The following GLDC variants were observed in gnomAD, a reference collection of about 807,000 sequenced individuals.
GLDC encodes the protein glycine dehydrogenase (decarboxylating), mitochondrial.
A neutral mutation model predicts 121.3 loss-of-function variants in GLDC; 104 were observed. The observed-to-expected ratio is 0.86, with a 90% confidence interval of 0.73 to 1.01. GLDC has a LOEUF of 1.01. Ranked by LOEUF, GLDC falls within the 50% of genes least tolerant of loss-of-function variation. The pLI, the probability that GLDC is intolerant of heterozygous loss-of-function variation, is 0.00. For synonymous variants in GLDC, 546 were observed against 480.6 expected, an observed-to-expected ratio of 1.14 and a Z score of -1.78; for missense variants, 1,429 against 1,306.6, an observed-to-expected ratio of 1.09 and a Z score of -1.44.
At chr9:6,616,650 T>C (rs1484525035) in intron 3 of GLDC, among the ~76,000 whole-genome samples, 1 of 152,240 alleles carries the variant, frequency 6.6e-6, no homozygotes, top group Non-Finnish European at 1.5e-5. Context: ...ATGCCTGTCA[T>C]CTATAATGTC....
Position 6,604,791 on chromosome 9 carries a change from A to T in GLDC, c.862-7T>A. Reference sequence around the variant, plus strand: ...TAGCACAGCAGGCCAGGCTCTAGAAAGGAAGTGAGAGAAAAGGAACAAGGT... The same window carrying T: ...TAGCACAGCAGGCCAGGCTCTAGAATGGAAGTGAGAGAAAAGGAACAAGGT... On this transcript the variant is annotated splice_region_variant and splice_polypyrimidine_tract_variant and intron_variant, in intron 6 of 24. Coordinates refer to ENST00000321612, the MANE Select transcript of GLDC (RefSeq NM_000170.3). The T allele has an allele frequency of 6.2e-7, 1 of 1,611,772 alleles. No individual in the cohort carries two copies.
intron 18 of GLDC, 105 bp from the exon 19 acceptor site, chr9:6,554,886 GC>G: frequency 1.3e-6 from 1 of 799,430 alleles, no homozygotes. Flanking sequence ...CAGAGGAAAA[GC>G]AGGCAGAGCC....
At chr9:6,635,404 A>G (rs891979712) in intron 2 of GLDC, among the ~76,000 whole-genome samples, 1 of 152,362 alleles carries the variant, frequency 6.6e-6, no homozygotes, top group African/African-American at 2.4e-5. Context: ...CACTTTATGT[A>G]TGGGCAAATG....
intron 2 of GLDC, chr9:6,639,065 T>C (rs1819571628): frequency 1.5e-6 from 1 of 655,976 alleles, no homozygotes; most frequent in African/African-American, 1.8e-5. Flanking sequence ...CAGTAAACAT[T>C]TAACAATTAG....
intron 23 of GLDC, among the ~76,000 whole-genome samples, chr9:6,535,688 A>G (rs1254984273): frequency 6.6e-6 from 1 of 152,232 alleles, no homozygotes; most frequent in Admixed American, 6.5e-5. Context: ...TCCAGTCCAA[A>G]TGTCAATCCA....
At chr9:6,629,906 G>C (rs1270520733) in intron 2 of GLDC, among the ~76,000 whole-genome samples, 1 of 123,150 alleles carries the variant, frequency 8.1e-6, no homozygotes, top group Non-Finnish European at 1.6e-5. Flanking sequence ...GATAATAGAT[G>C]TGGGAGGGAG....
intron 2 of GLDC, among the ~76,000 whole-genome samples, chr9:6,627,519 G>A (rs1348737669): frequency 6.6e-6 from 1 of 152,074 alleles, no homozygotes; most frequent in African/African-American, 2.4e-5. Flanking sequence ...TGGTTCTCAT[G>A]ATAGCTTGGT....
chr9:6,586,279 G>C (rs1416019851), intron 15 of GLDC, among the ~76,000 whole-genome samples: 1 of 152,038 alleles, frequency 6.6e-6, no homozygotes, highest in Non-Finnish European at 1.5e-5. Context: ...TGGGCAACAA[G>C]AGCAAAACTC....
At chr9:6,593,141 G>A (rs1818411848) in intron 9 of GLDC, 151 bp from the exon 10 acceptor site, 2 of 726,248 alleles carry the variant, frequency 2.8e-6, no homozygotes, top group African/African-American at 3.5e-5. Flanking sequence ...AACTAAACAT[G>A]TTTATTATCA....
chr9:6,600,266 GCTGAGACCGGAGAATAATTTGAGCC>G (rs1818578467), intron 8 of GLDC, among the ~76,000 whole-genome samples: 2 of 152,148 alleles, frequency 1.3e-5, no homozygotes, highest in South Asian at 4.2e-4. Context: ...TACTTAGGAG[GCTGAGACCGGAGAATAATTTGAGCC>G]CTGGAGGTTG....
chr9:6,643,136 G>A (rs147701352), intron 2 of GLDC, among the ~76,000 whole-genome samples: 54 of 152,076 alleles, frequency 3.6e-4, no homozygotes, highest in African/African-American at 1.1e-3. Context: ...GGCCTCAAGC[G>A]ATCCACCTGC....
chr9:6,540,159 G>C lies in GLDC; in HGVS notation c.2570-13C>G. ...TGACCCACATAACCTGTTCAGGAAA[G>C]TTGTTTCAGCCCAAGATTAGCATCA... On this transcript the variant is annotated splice_polypyrimidine_tract_variant and intron_variant, in intron 21 of 24. Transcript: ENST00000321612. 1 of 1,544,544 alleles carries C rather than the reference G, an allele frequency of 6.5e-7. No homozygotes were observed. Among genetic ancestry groups the C allele is most frequent in the Non-Finnish European group, 9.0e-7 (1 of 1,116,460 alleles).
intron 2 of GLDC, among the ~76,000 whole-genome samples, chr9:6,634,540 C>T (rs1040037158): frequency 8.6e-6 from 1 of 116,090 alleles, no homozygotes; most frequent in Non-Finnish European, 1.7e-5. Context: ...AACAAACAAA[C>T]AAACAAACAA....
In GLDC at chr9:6,565,579, C is replaced by G. The variant is rs147643940; in HGVS notation, c.1851-150G>C. 5.5e-4 allele frequency: 397 copies of G among 723,786 alleles called. No individual in the cohort carries two copies. In the African/African-American group the frequency reaches 6.0e-3, roughly 11 times the overall value. The allele number at this position is 723,786 out of a possible 1,614,324, so 44.8% of individuals were successfully genotyped here. A position where few individuals can be genotyped will look rare whatever the true frequency, so the allele number is the denominator to read the frequency against. On this transcript the variant is annotated intron_variant, in intron 15 of 24. Transcript: ENST00000321612. ...GAGAGAAGCTCATCAAGGAGCTCTG[C>G]TGGAGTCAAAAGGTCTTGAACAATC...
At chr9:6,560,447 G>C (rs1817729944) in intron 16 of GLDC, among the ~76,000 whole-genome samples, 1 of 152,200 alleles carries the variant, frequency 6.6e-6, no homozygotes, top group Admixed American at 6.5e-5. Context: ...TACTGGTTAT[G>C]TCACGTTGTC....
intron 8 of GLDC, 114 bp downstream of exon 8, chr9:6,601,995 G>T: frequency 1.4e-6 from 1 of 733,978 alleles, no homozygotes. Flanking sequence ...TGCCATTTCT[G>T]GTGTGCTCAC....
At chr9:6,583,332 G>T (rs913584057) in intron 15 of GLDC, among the ~76,000 whole-genome samples, 1 of 152,116 alleles carries the variant, frequency 6.6e-6, no homozygotes, top group African/African-American at 2.4e-5. Context: ...CTCAATTGAT[G>T]AAGGGATAAA....
intron 4 of GLDC, among the ~76,000 whole-genome samples, 183 bp downstream of exon 4, chr9:6,610,009 A>G (rs570894631): frequency 2.6e-5 from 4 of 152,180 alleles, no homozygotes; most frequent in Non-Finnish European, 5.9e-5. Context: ...AGACACCAAG[A>G]AGGACCCTGA....
chr9:6,635,692 T>C (rs923312980), intron 2 of GLDC, among the ~76,000 whole-genome samples: 28 of 151,568 alleles, frequency 1.8e-4, no homozygotes, highest in Non-Finnish European at 1.9e-4. Flanking sequence ...GGGCAACATA[T>C]TGAGACCCCC....
Sources: gnomAD v4.1 joint callset for allele counts (sites outside exome capture counted in the v4.1 genomes callset) on GRCh38, gnomAD v4.1.1 for gene constraint, MANE v1.5 for transcripts, NCBI Gene and HGNC (gene_info 2026-07-23, HGNC 2026-07-21) for gene names.